The following NFIA variants were observed in gnomAD, a reference collection of about 807,000 sequenced individuals.
NFIA encodes the protein nuclear factor 1 A-type.
In NFIA, 8 loss-of-function variants were observed where a neutral mutation model predicts 62.8. The ratio of observed to expected loss-of-function variants is 0.13; its 90% CI spans 0.07 to 0.23. The LOEUF is 0.23. Among genes scored for constraint, NFIA ranks in the 10% least tolerant of loss-of-function variants. The pLI is 1.00. For synonymous variants in NFIA, 235 were observed against 238.1 expected, an observed-to-expected ratio of 0.99 and a Z score of 0.12; for missense variants, 410 against 642.1, an observed-to-expected ratio of 0.64 and a Z score of 3.91.
intron 7 of NFIA, among the ~76,000 whole-genome samples, chr1:61,396,586 A>G (rs961809336): frequency 5.3e-5 from 8 of 152,130 alleles, no homozygotes; most frequent in African/African-American, 1.9e-4. Flanking sequence ...TAGATTTCTG[A>G]TAAGCAAACT....
intron 4 of NFIA, among the ~76,000 whole-genome samples, chr1:61,349,963 A>C (rs1257083534): frequency 2.0e-5 from 3 of 151,888 alleles, no homozygotes; most frequent in Non-Finnish European, 4.4e-5. Flanking sequence ...CCATCCTTTG[A>C]GTTTAGTCCC....
intron 2 of NFIA, among the ~76,000 whole-genome samples, chr1:61,185,198 G>A (rs1651080226): frequency 1.3e-5 from 2 of 152,128 alleles, no homozygotes; most frequent in South Asian, 4.1e-4. Flanking sequence ...TGTGACATTA[G>A]CAAGTTATGT....
intron 2 of NFIA, among the ~76,000 whole-genome samples, chr1:61,124,318 A>G (rs1646933741): frequency 6.6e-6 from 1 of 152,180 alleles, no homozygotes; most frequent in Admixed American, 6.5e-5. Context: ...GACAAGTATG[A>G]CTGGGTCCTA....
At chr1:61,392,403 G>T (rs1191749079) in intron 7 of NFIA, among the ~76,000 whole-genome samples, 1 of 151,968 alleles carries the variant, frequency 6.6e-6, no homozygotes, top group Non-Finnish European at 1.5e-5. Context: ...TTATTGTATT[G>T]TAAAGAGTTT....
chr1:61,082,673 TC>T lies in NFIA; in HGVS notation c.-118del. The T allele has an allele frequency of 2.9e-6, 1 of 348,760 alleles. No individual in the cohort carries two copies. Among genetic ancestry groups the T allele is most frequent in the South Asian group, 9.4e-5 (1 of 10,694 alleles). The allele number at this position is 348,760 out of a possible 1,614,324, so 21.6% of individuals were successfully genotyped here. A position where few individuals can be genotyped will look rare whatever the true frequency, so the allele number is the denominator to read the frequency against. ...GGCTTGATTTTTTTTTCTCCCCCCT[TC>T]TCTCTCTCTCTCTCTCTCTCTCTTC... On this transcript the variant is annotated 5_prime_UTR_variant, in exon 1 of 11. Coordinates refer to ENST00000403491, the MANE Select transcript of NFIA (RefSeq NM_001134673.4).
intron 2 of NFIA, among the ~76,000 whole-genome samples, chr1:61,151,420 A>T (rs893409685): frequency 9.6e-5 from 14 of 145,426 alleles, no homozygotes; most frequent in African/African-American, 3.6e-4. Context: ...TAGGTAAGGG[A>T]AGACGATCCA....
chr1:61,177,628 G>GT (rs1447279578), intron 2 of NFIA, among the ~76,000 whole-genome samples: 5 of 150,910 alleles, frequency 3.3e-5, no homozygotes, highest in Non-Finnish European at 7.4e-5. Context: ...TTAGCACAGT[G>GT]TTTATAGTAA....
chr1:61,277,373 A>G, intron 2 of NFIA, 147 bp from the exon 3 acceptor site: 1 of 723,202 alleles, frequency 1.4e-6, no homozygotes, highest in East Asian at 2.7e-5. Flanking sequence ...TTCTCTTTCC[A>G]TCTTTTCTTT....
intron 4 of NFIA, among the ~76,000 whole-genome samples, chr1:61,352,135 C>T (rs1455096816): frequency 6.6e-6 from 1 of 152,132 alleles, no homozygotes; most frequent in Non-Finnish European, 1.5e-5. Flanking sequence ...TTTGGCTGGT[C>T]ATTCCAGAAA....
intron 6 of NFIA, among the ~76,000 whole-genome samples, chr1:61,375,291 A>G (rs1223583781): frequency 6.6e-6 from 1 of 152,126 alleles, no homozygotes; most frequent in Non-Finnish European, 1.5e-5. Context: ...GGCTTGAGAA[A>G]TGTCACTGAA....
chr1:61,368,226 T>C (rs149277306), intron 6 of NFIA, among the ~76,000 whole-genome samples: 53 of 152,300 alleles, frequency 3.5e-4, no homozygotes, highest in African/African-American at 1.2e-3. Flanking sequence ...ATGCAGTGTA[T>C]ACATTAGGTT....
chr1:61,160,388 G>A (rs1206918276), intron 2 of NFIA, among the ~76,000 whole-genome samples: 1 of 152,158 alleles, frequency 6.6e-6, no homozygotes, highest in South Asian at 2.1e-4. Context: ...AGCTCTTCAG[G>A]TGATTCTGAT....
intron 4 of NFIA, among the ~76,000 whole-genome samples, chr1:61,341,433 C>T (rs964297498): frequency 2.0e-5 from 3 of 152,012 alleles, no homozygotes; most frequent in Non-Finnish European, 2.9e-5. Flanking sequence ...AGCAAAAATT[C>T]CCTATGAATG....
At chr1:61,342,714 TC>T (rs1203783823) in intron 4 of NFIA, among the ~76,000 whole-genome samples, 1 of 152,196 alleles carries the variant, frequency 6.6e-6, no homozygotes, top group Non-Finnish European at 1.5e-5. Flanking sequence ...TAATTATTCT[TC>T]TATTTAAACG....
chr1:61,449,394 G>A (rs1298447439), intron 10 of NFIA, among the ~76,000 whole-genome samples: 1 of 152,284 alleles, frequency 6.6e-6, no homozygotes, highest in South Asian at 2.1e-4. Flanking sequence ...TGCCCACCCT[G>A]GCATCCCTTA....
At chr1:61,080,273 T>C (rs1271519037), upstream of NFIA, among the ~76,000 whole-genome samples, 1 of 151,196 alleles carries the variant, frequency 6.6e-6, no homozygotes, top group Non-Finnish European at 1.5e-5. Flanking sequence ...CAGCATTAAA[T>C]TACTTCCCCC....
chr1:61,377,941 C>A (rs1664230854), intron 6 of NFIA, among the ~76,000 whole-genome samples: 1 of 152,302 alleles, frequency 6.6e-6, no homozygotes, highest in South Asian at 2.1e-4. Context: ...TTATGGTGAT[C>A]CTTCCCTTCT....
At chr1:61,410,558 C>A (rs963129614) in intron 9 of NFIA, among the ~76,000 whole-genome samples, 4 of 152,116 alleles carry the variant, frequency 2.6e-5, no homozygotes, top group Non-Finnish European at 4.4e-5. Flanking sequence ...TGTAAAACAG[C>A]CTTTTCTATT....
At chr1:61,268,505 C>T (rs1348792001) in intron 2 of NFIA, among the ~76,000 whole-genome samples, 1 of 151,952 alleles carries the variant, frequency 6.6e-6, no homozygotes, top group Admixed American at 6.6e-5. Context: ...CCTTGTCATC[C>T]AAAATTTCTA....
Sources: gnomAD v4.1 joint callset for allele counts (sites outside exome capture counted in the v4.1 genomes callset) on GRCh38, gnomAD v4.1.1 for gene constraint, MANE v1.5 for transcripts, NCBI Gene and HGNC (gene_info 2026-07-23, HGNC 2026-07-21) for gene names.